Variants in MLLT3 observed in about 807,000 individuals in gnomAD.
The protein encoded by MLLT3 is MLLT3 super elongation complex subunit, also known as protein AF-9.
MLLT3 carries 4 observed loss-of-function variants against 53.2 expected under a neutral mutation model. The observed-to-expected ratio is 0.08, with a 90% CI of 0.04 to 0.17. The LOEUF (loss-of-function observed/expected upper bound fraction) is 0.17, where lower values mean the gene tolerates loss of function less well. MLLT3 is among the 10% of genes least tolerant of loss of function. MLLT3 has a pLI of 1.00. For synonymous variants in MLLT3, 283 were observed against 230.6 expected (o/e 1.23, Z -2.06); for missense variants, 569 against 684.0 (o/e 0.83, Z 1.87).
chr9:20,602,777 C>CACAG (rs1440384738), intron 2 of MLLT3, among the ~76,000 whole-genome samples: 1 of 151,676 alleles, frequency 6.6e-6, no homozygotes, highest in African/African-American at 2.4e-5. Flanking sequence ...CACACACACA[C>CACAG]ACACACACAC....
rs1563820401 is a variant in MLLT3, at chr9:20,565,941, TATATATATATA to T, written c.193+54702_193+54712del. Among the ~76,000 whole-genome samples, 48 of 118,146 alleles carry T rather than the reference TATATATATATA, an allele frequency of 4.1e-4. No homozygotes were observed. In the South Asian group the frequency reaches 0.01, roughly 25 times the overall value. The allele number at this position is 118,146 out of a possible 152,430, so 77.5% of individuals were successfully genotyped here. On this transcript the variant is annotated intron_variant, in intron 2 of 10. Coordinates refer to ENST00000380338, the MANE Select transcript of MLLT3 (RefSeq NM_004529.4). The stretch of plus-strand genomic sequence containing the variant: ...ATATATTTATATATATATATATTTA[TATATATATATA>T]TTTATATATATATATTTATATATAT...
At chr9:20,476,179 A>G (rs1433953011) in intron 2 of MLLT3, among the ~76,000 whole-genome samples, 1 of 152,066 alleles carries the variant, frequency 6.6e-6, no homozygotes, top group Non-Finnish European at 1.5e-5. Flanking sequence ...ATTTCTAGAT[A>G]AAATGCCATG....
At chr9:20,549,491 T>A (rs1179326030) in intron 2 of MLLT3, among the ~76,000 whole-genome samples, 1 of 152,190 alleles carries the variant, frequency 6.6e-6, no homozygotes, top group South Asian at 2.1e-4. Context: ...TCCTAAGCAT[T>A]TTACGTAGTT....
Position 20,621,736 on chromosome 9 carries a change from C to T in MLLT3, c.12+509G>A. 1 of 1,489,900 alleles carries T rather than the reference C, an allele frequency of 6.7e-7. No homozygotes were observed. The highest frequency in any genetic ancestry group is 8.9e-7 in the Non-Finnish European group (1 of 1,126,396). The allele number at this position is 1,489,900 out of a possible 1,614,324, so 92.3% of individuals were successfully genotyped here. The stretch of plus-strand genomic sequence containing the variant: ...CGGCCCCGCCGCTGTCAGCCCCGCA[C>T]ACTTCGGCTCACACACGCGCGCCGC... On this transcript the variant is annotated intron_variant, in intron 1 of 10. Transcript: ENST00000380338. The surrounding 1 kb of genome is among the most constrained non-coding windows in gnomAD (Gnocchi z 7.0).
intron 2 of MLLT3, among the ~76,000 whole-genome samples, chr9:20,487,341 C>T (rs1250273148): frequency 2.0e-5 from 3 of 152,144 alleles, no homozygotes; most frequent in Non-Finnish European, 4.4e-5. Flanking sequence ...CTAGCAAAAT[C>T]ATAGGACTTT....
chr9:20,469,561 A>C (rs1824322498), intron 2 of MLLT3, among the ~76,000 whole-genome samples: 1 of 152,034 alleles, frequency 6.6e-6, no homozygotes, highest in Non-Finnish European at 1.5e-5. Context: ...AAGGAGATGA[A>C]ACAGCTCAAT....
At chr9:20,505,256 A>G (rs560005973) in intron 2 of MLLT3, among the ~76,000 whole-genome samples, 38 of 152,244 alleles carry the variant, frequency 2.5e-4, no homozygotes, top group Non-Finnish European at 4.7e-4. Context: ...TTTCTGCAAG[A>G]AGCTTGGTTA....
chr9:20,434,285 T>C (rs965010556), intron 4 of MLLT3, among the ~76,000 whole-genome samples: 2 of 152,072 alleles, frequency 1.3e-5, no homozygotes, highest in Non-Finnish European at 2.9e-5. Context: ...AAGAAATAAA[T>C]TCTAAAGTAT....
intron 2 of MLLT3, among the ~76,000 whole-genome samples, chr9:20,514,516 A>ATT (rs145034146): frequency 6.7e-6 from 1 of 148,974 alleles, no homozygotes; most frequent in Non-Finnish European, 1.5e-5. Context: ...TTATTTTTTT[A>ATT]TTTTTTTTTT....
At chr9:20,439,757 G>T (rs1267134099) in intron 4 of MLLT3, among the ~76,000 whole-genome samples, 1 of 152,084 alleles carries the variant, frequency 6.6e-6, no homozygotes, top group Admixed American at 6.6e-5. Context: ...GCAAAATATA[G>T]ATTTTCAGTG....
chr9:20,365,775 T>A lies in MLLT3; in HGVS notation c.1126-31A>T, dbSNP rs574043243. On this transcript the variant is annotated intron_variant, in intron 5 of 10. Coordinates refer to ENST00000380338, the MANE Select transcript of MLLT3 (RefSeq NM_004529.4). ...AAGAAGAATAAAAAGGCACCATCAA[T>A]AAATTTACGGGATACCACACATCTA... 8.1e-6 allele frequency: 13 copies of A among 1,610,642 alleles called. No homozygotes were observed. The Admixed American group carries it at 2.2e-4, about 27-fold the overall frequency.
chr9:20,557,508 T>C (rs1421547505), intron 2 of MLLT3, among the ~76,000 whole-genome samples: 1 of 152,202 alleles, frequency 6.6e-6, no homozygotes, highest in Non-Finnish European at 1.5e-5. Context: ...CCACCAAAAT[T>C]TCTACTACAG....
chr9:20,348,107 C>G (rs756208521), intron 10 of MLLT3, among the ~76,000 whole-genome samples: 2 of 152,150 alleles, frequency 1.3e-5, no homozygotes, highest in African/African-American at 2.4e-5. Context: ...ATTGTCTTAC[C>G]CAATCTCTGG....
At chr9:20,550,012 G>T (rs914235406) in intron 2 of MLLT3, among the ~76,000 whole-genome samples, 5 of 152,070 alleles carry the variant, frequency 3.3e-5, no homozygotes, top group African/African-American at 1.2e-4. Flanking sequence ...TCATCTACAA[G>T]AACTGCTAAC....
chr9:20,377,477 T>C (rs985780326), intron 5 of MLLT3, among the ~76,000 whole-genome samples: 1 of 152,018 alleles, frequency 6.6e-6, no homozygotes, highest in Non-Finnish European at 1.5e-5. Flanking sequence ...TTAAATAGAA[T>C]GAATTCAGGA....
At chr9:20,618,106 A>T (rs1820882863) in intron 2 of MLLT3, among the ~76,000 whole-genome samples, 1 of 152,192 alleles carries the variant, frequency 6.6e-6, no homozygotes, top group African/African-American at 2.4e-5. Flanking sequence ...CACTATAGCC[A>T]ACACAGCTTA....
chr9:20,449,189 A>G (rs1823780579), intron 3 of MLLT3, among the ~76,000 whole-genome samples: 1 of 152,118 alleles, frequency 6.6e-6, no homozygotes, highest in South Asian at 2.1e-4. Context: ...TCTTATTATC[A>G]CCATTTACCC....
At chr9:20,578,510 TA>T (rs895621173) in intron 2 of MLLT3, among the ~76,000 whole-genome samples, 24 of 148,996 alleles carry the variant, frequency 1.6e-4, no homozygotes, top group African/African-American at 5.7e-4. Flanking sequence ...ACTACGTCTC[TA>T]AAAAAAAAGA....
intron 2 of MLLT3, among the ~76,000 whole-genome samples, chr9:20,463,284 G>T (rs74494384): frequency 2.0e-5 from 3 of 151,824 alleles, no homozygotes; most frequent in Non-Finnish European, 2.9e-5. Flanking sequence ...AAGGGGGTGG[G>T]GGGGAGGAGA....
Sources: allele counts gnomAD v4.1 joint callset (sites outside exome capture counted in the v4.1 genomes callset), GRCh38; gene constraint gnomAD v4.1.1; non-coding constraint Gnocchi (gnomAD v3.1); transcripts MANE v1.5; gene names NCBI Gene and HGNC (gene_info 2026-07-23, HGNC 2026-07-21).